Variants in ST3GAL5 observed in about 807,000 individuals in gnomAD.
ST3GAL5 encodes lactosylceramide alpha-2,3-sialyltransferase.
ST3GAL5 carries 25 observed loss-of-function variants against 46.1 expected under a neutral mutation model. That is an observed-to-expected ratio of 0.54 (90% confidence interval 0.40 to 0.76). ST3GAL5 has a LOEUF of 0.76. Ranked by LOEUF, ST3GAL5 falls within the 30% of genes least tolerant of loss-of-function variation. The pLI is 0.00. For missense variants in ST3GAL5, 431 were observed against 521.2 expected (o/e 0.83, Z 1.69); for synonymous variants, 182 against 192.7 (o/e 0.94, Z 0.46).
In ST3GAL5 at chr2:85,847,868, C is replaced by T; in HGVS notation, c.655G>A (p.Val219Met). The T allele has an allele frequency of 6.2e-7, 1 of 1,613,824 alleles. No individual in the cohort carries two copies. Among genetic ancestry groups the T allele is most frequent in the South Asian group, 1.1e-5 (1 of 91,062 alleles). The change falls in exon 4 of 7, where the codon GTG becomes ATG. Residue 219 changes from valine to methionine, a missense_variant. By Grantham distance (21) the Val-to-Met change is conservative. Coordinates refer to ENST00000638572, the MANE Select transcript of ST3GAL5 (RefSeq NM_003896.4). ...LGHTLNQFDV[V>M]IRLNSAPVEG... is the part of the protein sequence containing the mutation. ...CAAAAAAAACCAATGTACCTTATCA[C>T]AACATCGAACTGGTTCAGGGTGTGG...
chr2:85,878,054 T>C (rs1194912819), intron 1 of ST3GAL5, among the ~76,000 whole-genome samples: 1 of 152,150 alleles, frequency 6.6e-6, no homozygotes, highest in Non-Finnish European at 1.5e-5. Context: ...GCTGGAGCCA[T>C]CCTCACACCA....
At chr2:85,887,948 CA>C (rs1344049048) in intron 1 of ST3GAL5, 2 of 152,238 alleles carry the variant, frequency 1.3e-5, no homozygotes, top group Non-Finnish European at 2.9e-5. Flanking sequence ...CCTAATTAAG[CA>C]AAAGCCGCAT....
intron 5 of ST3GAL5, chr2:85,845,507 A>C (rs1041541587): frequency 8.5e-5 from 13 of 152,284 alleles, no homozygotes; most frequent in African/African-American, 3.1e-4. Flanking sequence ...ATTCCCATTA[A>C]GCAATGATCA....
At position 85,863,683 on chromosome 2, in the gene ST3GAL5, T is replaced by G. The variant is rs142241470; in HGVS notation, c.83-198A>C. On this transcript the variant is annotated intron_variant, in intron 1 of 6. Coordinates refer to ENST00000638572, the MANE Select transcript of ST3GAL5 (RefSeq NM_003896.4). ...ACTATGCTGAGCTGATACCAAAATG[T>G]TACATACTGTATGATTCTCAACATT... 2.0e-5 allele frequency among the ~76,000 whole-genome samples: 3 copies of G among 152,226 alleles called. No individual in the cohort carries two copies. In the East Asian group the frequency reaches 5.8e-4, roughly 29 times the overall value.
At chr2:85,887,176 G>C (rs973287944) in intron 1 of ST3GAL5, among the ~76,000 whole-genome samples, 11 of 152,158 alleles carry the variant, frequency 7.2e-5, no homozygotes, top group Non-Finnish European at 5.9e-5. Context: ...AGTCCCACAA[G>C]GCAAGCAGGG....
rs1328215616 is a variant in ST3GAL5, at chr2:85,840,410, A to C, written c.1009-18T>G. 6 of 1,613,744 alleles carry C rather than the reference A, an allele frequency of 3.7e-6. No homozygotes were observed. The African/African-American group carries it at 4.0e-5, about 11-fold the overall frequency. On this transcript the variant is annotated intron_variant, in intron 6 of 6. Transcript: ENST00000638572. ...GGGACGTTCTGAGAAAGGGAAAAGA[A>C]GACCAAAAAGTAAAAAAAAATTTTG...
intron 6 of ST3GAL5, 22 bp downstream of exon 6, chr2:85,844,374 C>T (rs1682508021): frequency 6.2e-7 from 1 of 1,614,044 alleles, no homozygotes; most frequent in Non-Finnish European, 8.5e-7. Flanking sequence ...GAATGATTAA[C>T]TTTGAGTAGC....
rs981967469 is a variant in ST3GAL5, at chr2:85,847,951, G to A, written c.572C>T (p.Thr191Ile). 1.9e-6 allele frequency: 3 copies of A among 1,614,188 alleles called. No homozygotes were observed. The African/African-American group carries it at 4.0e-5, about 22-fold the overall frequency. ...HDLPEHLKAK[T>I]CRRCVVIGSG... ...TCCAATAACCACACAGCGCCGACAG[G>A]TCTTGGCTTTCAAGTGTTCAGGGAG... The change falls in exon 4 of 7, where the codon ACC becomes ATC. Residue 191 changes from threonine to isoleucine, a missense_variant. Physicochemically the swap from Thr to Ile is moderately conservative, Grantham distance 89. Transcript: ENST00000638572.
In ST3GAL5 at chr2:85,861,311, G is replaced by C; in HGVS notation, c.207-19C>G. 6.8e-7 allele frequency: 1 copy of C among 1,478,500 alleles called. No individual in the cohort carries two copies. The highest frequency in any genetic ancestry group is 2.3e-5 in the East Asian group (1 of 44,108). 91.6% of individuals were successfully genotyped at this position (1,478,500 alleles called of 1,614,324 possible). A position where few individuals can be genotyped will look rare whatever the true frequency, so the allele number is the denominator to read the frequency against. On this transcript the variant is annotated intron_variant, in intron 2 of 6. Coordinates refer to ENST00000638572, the MANE Select transcript of ST3GAL5 (RefSeq NM_003896.4). Reference sequence around the variant, plus strand: ...TGTACATCTGGAAAAAAATCAATTAGGTATTATGATGTAGTCATGTGAGAA... The same window carrying C: ...TGTACATCTGGAAAAAAATCAATTACGTATTATGATGTAGTCATGTGAGAA...
At chr2:85,871,677 T>C (rs929154900) in intron 1 of ST3GAL5, among the ~76,000 whole-genome samples, 1 of 152,102 alleles carries the variant, frequency 6.6e-6, no homozygotes, top group African/African-American at 2.4e-5. Context: ...AGGACACACA[T>C]GGGTAGACAC....
chr2:85,846,474 G>C lies in ST3GAL5; in HGVS notation c.752C>G (p.Ser251Cys). ...RMTYPEGAPL[S>C]DLEYYSNDLF... ...GTCATTGGAATAATATTCAAGGTCA[G>C]ACAGTGGTGCGCCCTCTGGATAAGT... The change falls in exon 5 of 7, where the codon TCT becomes TGT. Residue 251 changes from serine (S) to cysteine (C), a missense_variant. Transcript: ENST00000638572. The C allele has an allele frequency of 6.2e-7, 1 of 1,614,190 alleles. No individual in the cohort carries two copies. The highest frequency in any genetic ancestry group is 8.5e-7 in the Non-Finnish European group (1 of 1,180,020).
chr2:85,874,385 T>A (rs1314950478), intron 1 of ST3GAL5, among the ~76,000 whole-genome samples: 1 of 152,168 alleles, frequency 6.6e-6, no homozygotes, highest in East Asian at 1.9e-4. Flanking sequence ...AGAGGGCAGT[T>A]ACTCTCAGAG....
intron 1 of ST3GAL5, among the ~76,000 whole-genome samples, chr2:85,869,292 C>T (rs1027456487): frequency 3.3e-5 from 5 of 152,112 alleles, no homozygotes; most frequent in Admixed American, 2.6e-4. Flanking sequence ...GCGATCCTCC[C>T]GCCTCACCTC....
chr2:85,887,033 C>T (rs1217969247), intron 1 of ST3GAL5, among the ~76,000 whole-genome samples: 4 of 152,156 alleles, frequency 2.6e-5, no homozygotes, highest in Non-Finnish European at 4.4e-5. Flanking sequence ...CTCCCAGAAA[C>T]TGCTGGCTCC....
chr2:85,846,663 T>C (rs1199862357), intron 4 of ST3GAL5, 100 bp from the exon 5 acceptor site: 3 of 1,154,196 alleles, frequency 2.6e-6, no homozygotes, highest in Middle Eastern at 2.8e-4. Context: ...CGTCTTCTTA[T>C]GACTAAGAAT....
intron 1 of ST3GAL5, among the ~76,000 whole-genome samples, chr2:85,870,430 G>A (rs951550279): frequency 4.6e-5 from 7 of 152,168 alleles, no homozygotes; most frequent in East Asian, 1.9e-4. Context: ...CTCCCTCCTC[G>A]TTCTCCTTTT....
chr2:85,847,770 G>T, intron 4 of ST3GAL5, 91 bp downstream of exon 4: 1 of 1,495,368 alleles, frequency 6.7e-7, no homozygotes, highest in South Asian at 1.2e-5. Flanking sequence ...ACTCCAGCCT[G>T]GACAACAGGA....
At chr2:85,870,242 CACT>C (rs1685776003) in intron 1 of ST3GAL5, 1 of 470,710 alleles carries the variant, frequency 2.1e-6, no homozygotes. Flanking sequence ...CTTTGCACAC[CACT>C]GTCTTCACAG....
intron 1 of ST3GAL5, among the ~76,000 whole-genome samples, chr2:85,873,908 C>T (rs1686233459): frequency 6.6e-6 from 1 of 152,182 alleles, no homozygotes; most frequent in Non-Finnish European, 1.5e-5. Flanking sequence ...GCATGTTAAC[C>T]AAGTTCCCCA....
Sources: gnomAD v4.1 joint callset for allele counts (sites outside exome capture counted in the v4.1 genomes callset) on GRCh38, gnomAD v4.1.1 for gene constraint, MANE v1.5 for transcripts, NCBI Gene and HGNC (gene_info 2026-07-23, HGNC 2026-07-21) for gene names.